Variants in VAT1L observed in about 807,000 individuals in gnomAD.
The protein encoded by VAT1L is putative NADPH-dependent quinone oxidoreductase VAT1L.
In VAT1L, 34 loss-of-function variants were observed where a neutral mutation model predicts 44.1. The observed-to-expected ratio is 0.77, with a 90% CI of 0.59 to 1.03. The LOEUF (loss-of-function observed/expected upper bound fraction) is 1.03, where lower values mean the gene tolerates loss of function less well. VAT1L is among the 50% of genes least tolerant of loss of function. The pLI is 0.00. For missense variants in VAT1L, 615 were observed against 538.8 expected (o/e 1.14, Z -1.40); for synonymous variants, 253 against 202.2 (o/e 1.25, Z -2.13).
chr16:77,949,131 G>A (rs1446807735), intron 7 of VAT1L, among the ~76,000 whole-genome samples: 2 of 152,148 alleles, frequency 1.3e-5, no homozygotes, highest in Non-Finnish European at 2.9e-5. Context: ...ACAAACAGGA[G>A]GCTAGAAAAA....
At position 77,884,558 on chromosome 16, in the gene VAT1L, C is replaced by G; in HGVS notation, c.883-50C>G. 1 of 1,570,306 alleles carries G rather than the reference C, an allele frequency of 6.4e-7. No homozygotes were observed. The highest frequency in any genetic ancestry group is 8.7e-7 in the Non-Finnish European group (1 of 1,155,190). ...ACATCAGCAATGCTGCCAATGTAGG[C>G]TTAACCCCGGTATTGAGTTCCTATA... On this transcript the variant is annotated intron_variant, in intron 6 of 8. Transcript: ENST00000302536. The surrounding 1 kb of genome is among the most constrained non-coding windows in gnomAD (Gnocchi z 4.5).
rs1181534255 is a variant in VAT1L, at chr16:77,884,007, G to A, written c.883-601G>A. Among the ~76,000 whole-genome samples the A allele has an allele frequency of 2.0e-5, 3 of 152,130 alleles. No homozygotes were observed. Among genetic ancestry groups the A allele is most frequent in the African/African-American group, 7.2e-5 (3 of 41,428 alleles). Reference sequence around the variant, plus strand: ...AGAACGTTGTAGAGCCACGATTCAAGTCCGGAGCTGATGATCCTGACCATG... The same window carrying A: ...AGAACGTTGTAGAGCCACGATTCAAATCCGGAGCTGATGATCCTGACCATG... On this transcript the variant is annotated intron_variant, in intron 6 of 8. Coordinates refer to ENST00000302536, the MANE Select transcript of VAT1L (RefSeq NM_020927.3). The surrounding 1 kb of genome is among the most constrained non-coding windows in gnomAD (Gnocchi z 4.5).
chr16:77,841,754 T>C (rs1347802984), intron 3 of VAT1L, among the ~76,000 whole-genome samples: 1 of 152,170 alleles, frequency 6.6e-6, no homozygotes, highest in African/African-American at 2.4e-5. Flanking sequence ...GAGCTCTACA[T>C]GGGGGTGGAA....
intron 4 of VAT1L, among the ~76,000 whole-genome samples, chr16:77,864,830 C>T (rs1430180763): frequency 1.3e-5 from 2 of 152,068 alleles, no homozygotes; most frequent in East Asian, 3.9e-4. Flanking sequence ...CCAATAGTTC[C>T]AGCAGGATGT....
intron 7 of VAT1L, among the ~76,000 whole-genome samples, chr16:77,964,363 A>T (rs2018198493): frequency 6.6e-6 from 1 of 152,124 alleles, no homozygotes; most frequent in African/African-American, 2.4e-5. Context: ...GCCCTAAGGG[A>T]GAATTTATTT....
chr16:77,908,599 C>T lies in VAT1L; in HGVS notation c.1077+23797C>T, dbSNP rs143930039. 1.4e-3 allele frequency among the ~76,000 whole-genome samples: 212 copies of T among 152,068 alleles called. 1 individual carries two copies. Among genetic ancestry groups the T allele is most frequent in the African/African-American group, 4.8e-3 (199 of 41,476 alleles). On this transcript the variant is annotated intron_variant, in intron 7 of 8. Coordinates refer to ENST00000302536, the MANE Select transcript of VAT1L (RefSeq NM_020927.3). ...AGAAGAGGTGCTCATTGTAGGATCG[C>T]CATGACCTGTCAGTGGCTCAAGACA...
At chr16:77,813,361 T>G (rs2016298119) in intron 1 of VAT1L, among the ~76,000 whole-genome samples, 1 of 152,174 alleles carries the variant, frequency 6.6e-6, no homozygotes, top group South Asian at 2.1e-4. Context: ...CGGTATTCGT[T>G]TGAGTTTGTA....
At chr16:77,926,756 C>A (rs79996114) in intron 7 of VAT1L, among the ~76,000 whole-genome samples, 2,230 of 152,274 alleles carry the variant, frequency 0.015, 51 homozygotes, top group African/African-American at 0.051. Flanking sequence ...ACTGCCCCCT[C>A]TAGAACTCTG....
At chr16:77,849,259 C>T (rs1173702562) in intron 3 of VAT1L, among the ~76,000 whole-genome samples, 3 of 152,134 alleles carry the variant, frequency 2.0e-5, no homozygotes, top group Non-Finnish European at 4.4e-5. Context: ...CTGAATGAAA[C>T]AAGAAACAAA....
intron 1 of VAT1L, among the ~76,000 whole-genome samples, chr16:77,804,798 C>T (rs886068955): frequency 2.0e-5 from 3 of 152,102 alleles, no homozygotes; most frequent in Non-Finnish European, 2.9e-5. Flanking sequence ...CTCCAGCAGC[C>T]ATGTACAAAT....
chr16:77,916,267 C>A (rs964678057), intron 7 of VAT1L, among the ~76,000 whole-genome samples: 1 of 152,060 alleles, frequency 6.6e-6, no homozygotes, highest in Non-Finnish European at 1.5e-5. Flanking sequence ...AAAGAAGTGT[C>A]CTTGGAAATG....
intron 3 of VAT1L, among the ~76,000 whole-genome samples, chr16:77,852,885 T>A (rs781073198): frequency 1.3e-5 from 2 of 152,192 alleles, no homozygotes; most frequent in Non-Finnish European, 2.9e-5. Context: ...GGTTCTTCCA[T>A]CTGGGAAATG....
chr16:77,972,731 T>G (rs2018293793), intron 8 of VAT1L, among the ~76,000 whole-genome samples: 1 of 151,898 alleles, frequency 6.6e-6, no homozygotes, highest in Non-Finnish European at 1.5e-5. Context: ...CAGTAAGCCG[T>G]GATTGCGTCA....
intron 3 of VAT1L, among the ~76,000 whole-genome samples, chr16:77,831,154 C>T (rs559412039): frequency 6.6e-6 from 1 of 152,324 alleles, no homozygotes; most frequent in South Asian, 2.1e-4. Flanking sequence ...ATCCAGTCTT[C>T]AGCTCTGTCA....
At chr16:77,894,230 A>G (rs1428952269) in intron 7 of VAT1L, among the ~76,000 whole-genome samples, 1 of 152,230 alleles carries the variant, frequency 6.6e-6, no homozygotes, top group Non-Finnish European at 1.5e-5. Flanking sequence ...ACAGAAAGGC[A>G]GCAGTAAAGG....
intron 7 of VAT1L, among the ~76,000 whole-genome samples, chr16:77,966,182 T>G (rs2018220355): frequency 6.6e-6 from 1 of 152,242 alleles, no homozygotes; most frequent in Admixed American, 6.5e-5. Context: ...TTGAAAATTT[T>G]TAGCCACATT....
chr16:77,813,462 T>C (rs1416513474), intron 1 of VAT1L, among the ~76,000 whole-genome samples: 1 of 152,164 alleles, frequency 6.6e-6, no homozygotes, highest in Non-Finnish European at 1.5e-5. Flanking sequence ...AAGGAATTCA[T>C]GGAAATCATA....
chr16:77,870,262 CCT>C (rs1183330118), intron 4 of VAT1L, among the ~76,000 whole-genome samples: 2 of 152,074 alleles, frequency 1.3e-5, no homozygotes, highest in Non-Finnish European at 2.9e-5. Flanking sequence ...TGCTTGGCAC[CCT>C]GTGCAAAGCC....
chr16:77,802,432 T>C (rs1181075194), intron 1 of VAT1L, among the ~76,000 whole-genome samples: 5 of 151,974 alleles, frequency 3.3e-5, no homozygotes, highest in Non-Finnish European at 7.4e-5. Context: ...CTGGCCAAGA[T>C]GGTAAAAGCC....
Sources: allele counts gnomAD v4.1 joint callset (sites outside exome capture counted in the v4.1 genomes callset), GRCh38; gene constraint gnomAD v4.1.1; non-coding constraint Gnocchi (gnomAD v3.1); transcripts MANE v1.5; gene names NCBI Gene and HGNC (gene_info 2026-07-23, HGNC 2026-07-21).